PCSK6: variants seen among roughly 807,000 people sequenced by gnomAD.
The protein encoded by PCSK6 is paired basic amino acid cleaving enzyme 4.
In PCSK6, 85 loss-of-function variants were observed where a neutral mutation model predicts 123.3. The observed-to-expected ratio is 0.69, with a 90% CI of 0.58 to 0.83. PCSK6 has a LOEUF of 0.83. Among genes scored for constraint, PCSK6 ranks in the 40% least tolerant of loss-of-function variants. The probability of loss-of-function intolerance (pLI) is 0.00; values close to 1 mark genes in which losing one functional copy is unlikely to be tolerated. For missense variants in PCSK6, 1,191 were observed against 1,282.3 expected (o/e 0.93, Z 1.09); for synonymous variants, 508 against 516.0 (o/e 0.98, Z 0.21).
chr15:101,446,415 T>C (rs2056891321), intron 1 of PCSK6, among the ~76,000 whole-genome samples: 1 of 152,282 alleles, frequency 6.6e-6, no homozygotes, highest in Non-Finnish European at 1.5e-5. Context: ...ACACGTGGAT[T>C]ACTCCCACTG....
intron 15 of PCSK6, among the ~76,000 whole-genome samples, chr15:101,327,360 G>A (rs915588955): frequency 2.0e-5 from 3 of 152,184 alleles, no homozygotes; most frequent in South Asian, 2.1e-4. Flanking sequence ...CCCGTCAGGC[G>A]GGGGCGGGGC....
rs144247436 is a variant in PCSK6 at position 101,331,758 on chromosome 15, A to G, written c.2039-69T>C. On this transcript the variant is annotated intron_variant, in intron 14 of 21. Transcript: ENST00000611716. ...AGAGAGACACACAACCATCAGCCCC[A>G]CCTTTGCCAGGAGCAGCCCTACATT... 1.9e-3 allele frequency: 3,088 copies of G among 1,600,972 alleles called. 47 individuals carry two copies. In the East Asian group the frequency reaches 0.034, roughly 18 times the overall value.
At chr15:101,440,854 T>C (rs555069610) in intron 2 of PCSK6, among the ~76,000 whole-genome samples, 3 of 152,238 alleles carry the variant, frequency 2.0e-5, no homozygotes, top group Non-Finnish European at 4.4e-5. Context: ...GGAGTAAATA[T>C]TAGTCAGACT....
intron 13 of PCSK6, among the ~76,000 whole-genome samples, chr15:101,335,414 G>A (rs1287368535): frequency 2.2e-4 from 33 of 152,168 alleles, no homozygotes; most frequent in Admixed American, 2.2e-3. Flanking sequence ...TTTGATTTTT[G>A]TCTCTGAATA....
In PCSK6 at chr15:101,325,008, T is replaced by C. The variant is rs1447816918; in HGVS notation, c.2219A>G (p.Asp740Gly). 1 of 1,612,064 alleles carries C rather than the reference T, an allele frequency of 6.2e-7. No homozygotes were observed. The highest frequency in any genetic ancestry group is 2.2e-5 in the East Asian group (1 of 44,882). The change falls in exon 17 of 22, where the codon GAC becomes GGC. Residue 740 changes from aspartate to glycine, a missense_variant. Asp to Gly is a moderately conservative substitution (Grantham distance 94). Transcript: ENST00000611716. ...VSVCPLGYFG[D>G]TAARRCRRCH... The stretch of plus-strand genomic sequence containing the variant: ...CCGGCGACAGCGTCTTGCTGCTGTG[T>C]CCCCAAAGTAGCCCAAGGGGCACAC...
chr15:101,363,089 T>C (rs1291266541), intron 13 of PCSK6, among the ~76,000 whole-genome samples: 1 of 152,056 alleles, frequency 6.6e-6, no homozygotes, highest in Admixed American at 6.6e-5. Context: ...AAGTGGGTGG[T>C]GGCTGGAGGG....
chr15:101,374,049 C>T (rs760794837), intron 11 of PCSK6, among the ~76,000 whole-genome samples: 4 of 152,182 alleles, frequency 2.6e-5, no homozygotes, highest in Non-Finnish European at 5.9e-5. Context: ...GCCTGGAGAC[C>T]GTGCGTTGTT....
chr15:101,423,726 TG>T (rs931995821), intron 6 of PCSK6, among the ~76,000 whole-genome samples: 33 of 152,222 alleles, frequency 2.2e-4, no homozygotes, highest in African/African-American at 7.9e-4. Context: ...CAACTATAAC[TG>T]TGCCCACAGA....
intron 13 of PCSK6, among the ~76,000 whole-genome samples, chr15:101,338,411 C>T (rs1203159766): frequency 6.6e-6 from 1 of 152,166 alleles, no homozygotes; most frequent in Non-Finnish European, 1.5e-5. Context: ...CCCAGGCCGG[C>T]CCCTCCACAC....
chr15:101,486,494 G>A (rs149078578), intron 1 of PCSK6, among the ~76,000 whole-genome samples: 6 of 152,258 alleles, frequency 3.9e-5, no homozygotes, highest in African/African-American at 2.4e-5. Context: ...GTCATCTGCC[G>A]ATAATGACAT....
chr15:101,359,770 G>A (rs536760593), intron 13 of PCSK6, among the ~76,000 whole-genome samples: 6 of 152,352 alleles, frequency 3.9e-5, no homozygotes, highest in African/African-American at 7.2e-5. Context: ...GCACCCACAC[G>A]CAACAGGCTC....
At chr15:101,444,477 C>A (rs2056836845) in intron 1 of PCSK6, among the ~76,000 whole-genome samples, 1 of 152,172 alleles carries the variant, frequency 6.6e-6, no homozygotes, top group African/African-American at 2.4e-5. Flanking sequence ...TACAGACCCT[C>A]AGGTTGATCT....
intron 13 of PCSK6, among the ~76,000 whole-genome samples, chr15:101,351,910 T>C (rs556394637): frequency 1.9e-4 from 29 of 152,288 alleles, no homozygotes; most frequent in African/African-American, 6.7e-4. Flanking sequence ...GCCTATTTTA[T>C]AAAGTGAGGT....
intron 6 of PCSK6, among the ~76,000 whole-genome samples, chr15:101,405,684 TA>T (rs5815010): frequency 0.29 from 42,706 of 146,922 alleles, 7,078 homozygotes; most frequent in East Asian, 0.45. Context: ...TTAGTGAAGC[TA>T]AAAAAAAAAA....
At position 101,346,967 on chromosome 15, in the gene PCSK6, G is replaced by A. The variant is rs758756896; in HGVS notation, c.1859-14936C>T. 550 of 1,231,546 alleles carry A rather than the reference G, an allele frequency of 4.5e-4. 1 individual carries two copies. The highest frequency in any genetic ancestry group is 5.1e-4 in the Non-Finnish European group (502 of 987,966). 76.3% of individuals were successfully genotyped at this position (1,231,546 alleles called of 1,614,324 possible). A position where few individuals can be genotyped will look rare whatever the true frequency, so the allele number is the denominator to read the frequency against. On this transcript the variant is annotated intron_variant, in intron 13 of 21. Coordinates refer to ENST00000611716, the MANE Select transcript of PCSK6 (RefSeq NM_002570.5). The stretch of plus-strand genomic sequence containing the variant: ...GGAAAGGCGTCACTGTCACGGCCCC[G>A]TGAAAGAGAAAAGGAGGTAAAGAGA...
intron 13 of PCSK6, among the ~76,000 whole-genome samples, chr15:101,348,694 C>T (rs1454764099): frequency 6.6e-6 from 1 of 152,176 alleles, no homozygotes; most frequent in Non-Finnish European, 1.5e-5. Context: ...CCATTTGAAT[C>T]TCCCCAGGCC....
intron 7 of PCSK6, among the ~76,000 whole-genome samples, chr15:101,394,055 GGTAA>G (rs1337959877): frequency 6.6e-6 from 1 of 152,160 alleles, no homozygotes; most frequent in Non-Finnish European, 1.5e-5. Flanking sequence ...CTCTGCAGTG[GGTAA>G]GTATCAGGGT....
At chr15:101,389,439 T>C (rs767414204) in intron 9 of PCSK6, 25 bp downstream of exon 9, 1 of 1,500,138 alleles carries the variant, frequency 6.7e-7, no homozygotes, top group African/African-American at 1.4e-5. Flanking sequence ...TTTTTTTTTT[T>C]AGAAAAAGGT....
intron 1 of PCSK6, among the ~76,000 whole-genome samples, chr15:101,477,795 C>A (rs919082356): frequency 6.6e-6 from 1 of 152,208 alleles, no homozygotes; most frequent in Non-Finnish European, 1.5e-5. Flanking sequence ...TGCCTCCCAG[C>A]AGGCAGGAAA....
Sources: allele counts gnomAD v4.1 joint callset (sites outside exome capture counted in the v4.1 genomes callset), GRCh38; gene constraint gnomAD v4.1.1; transcripts MANE v1.5; gene names NCBI Gene and HGNC (gene_info 2026-07-23, HGNC 2026-07-21).